MMRN1: variants seen among roughly 807,000 people sequenced by gnomAD.
MMRN1 encodes multimerin-1.
Under a neutral mutation model 100.7 loss-of-function variants are expected in MMRN1, and 94 were observed. The observed-to-expected ratio is 0.93, with a 90% CI of 0.79 to 1.11. The LOEUF (loss-of-function observed/expected upper bound fraction) is 1.11, where lower values mean the gene tolerates loss of function less well. MMRN1 is among the 50% of genes least tolerant of loss of function. The pLI, the probability that MMRN1 is intolerant of heterozygous loss-of-function variation, is 0.00. For missense variants in MMRN1, 1,606 were observed against 1,439.1 expected (o/e 1.12, Z -1.88); for synonymous variants, 575 against 505.0 (o/e 1.14, Z -1.86).
chr4:89,934,679 A>G (rs1048587168), intron 5 of MMRN1, 131 bp from the exon 6 acceptor site: 7 of 468,360 alleles, frequency 1.5e-5, no homozygotes, highest in African/African-American at 1.0e-4. Flanking sequence ...AAATTCTATA[A>G]GTAAATGTAG....
chr4:89,918,947 G>A (rs914416796), intron 3 of MMRN1, among the ~76,000 whole-genome samples: 7 of 151,456 alleles, frequency 4.6e-5, no homozygotes, highest in East Asian at 1.9e-4. Flanking sequence ...TGATTTTTAC[G>A]TTTTAGGAAA....
chr4:89,949,769 CA>C (rs1293197657), intron 6 of MMRN1, among the ~76,000 whole-genome samples: 4 of 152,002 alleles, frequency 2.6e-5, no homozygotes, highest in African/African-American at 9.7e-5. Context: ...ATTTGCTTTG[CA>C]AAAAATTTTA....
In MMRN1 at chr4:89,934,827, A is replaced by T. The variant is rs1005263022; in HGVS notation, c.1147A>T (p.Ile383Phe). Residue 383 changes from isoleucine (I) to phenylalanine (F), a missense_variant, in exon 6 of 8, where the codon ATT becomes TTT. Ile to Phe is a conservative substitution (Grantham distance 21). Coordinates refer to ENST00000264790, the MANE Select transcript of MMRN1 (RefSeq NM_007351.3). ...SLLKGLKSKS[I>F]NVLIRDIVRE... ...TTCTCTAGGTCTAAAATCCAAAAGC[A>T]TTAATGTACTGATAAGAGACATAGT... 6.6e-7 allele frequency: 1 copy of T among 1,505,854 alleles called. No individual in the cohort carries two copies. 93.3% of individuals were successfully genotyped at this position (1,505,854 alleles called of 1,614,324 possible).
chr4:89,953,482 C>T lies in MMRN1; in HGVS notation c.*64C>T. ...CAGCCAGTGTTTTCATTTATCTTTGCTTGCACATCTGCTCTGTTTTGGTTT... is the reference window on the plus strand; with the variant it reads ...CAGCCAGTGTTTTCATTTATCTTTGTTTGCACATCTGCTCTGTTTTGGTTT... On this transcript the variant is annotated 3_prime_UTR_variant, in exon 8 of 8. Transcript: ENST00000264790. 7.0e-7 allele frequency: 1 copy of T among 1,437,224 alleles called. No individual in the cohort carries two copies. The highest frequency in any genetic ancestry group is 9.4e-7 in the Non-Finnish European group (1 of 1,069,052). 89.0% of individuals were successfully genotyped at this position (1,437,224 alleles called of 1,614,324 possible). A position where few individuals can be genotyped will look rare whatever the true frequency, so the allele number is the denominator to read the frequency against.
In MMRN1 at chr4:89,953,474, T is replaced by C; in HGVS notation, c.*56T>C. 6.7e-7 allele frequency: 1 copy of C among 1,482,726 alleles called. No individual in the cohort carries two copies. The highest frequency in any genetic ancestry group is 1.4e-5 in the South Asian group (1 of 71,802). 91.8% of individuals were successfully genotyped at this position (1,482,726 alleles called of 1,614,324 possible). A position where few individuals can be genotyped will look rare whatever the true frequency, so the allele number is the denominator to read the frequency against. On this transcript the variant is annotated 3_prime_UTR_variant, in exon 8 of 8. Coordinates refer to ENST00000264790, the MANE Select transcript of MMRN1 (RefSeq NM_007351.3). Reference sequence around the variant, plus strand: ...TTGAGAAACAGCCAGTGTTTTCATTTATCTTTGCTTGCACATCTGCTCTGT... The same window carrying C: ...TTGAGAAACAGCCAGTGTTTTCATTCATCTTTGCTTGCACATCTGCTCTGT...
Position 89,951,771 on chromosome 4 carries a change from A to G in MMRN1, c.3265+20A>G. The G allele has an allele frequency of 3.1e-6, 5 of 1,608,308 alleles. No individual in the cohort carries two copies. The highest frequency in any genetic ancestry group is 4.2e-6 in the Non-Finnish European group (5 of 1,177,642). ...CTCCAGGTAAAAAAAAAGTATACGCATCTTTGGATTTGCTCATTGTCATAA... is the reference window on the plus strand; with the variant it reads ...CTCCAGGTAAAAAAAAAGTATACGCGTCTTTGGATTTGCTCATTGTCATAA... On this transcript the variant is annotated intron_variant, in intron 7 of 7. Coordinates refer to ENST00000264790, the MANE Select transcript of MMRN1 (RefSeq NM_007351.3).
chr4:89,923,510 A>C (rs927547799), intron 4 of MMRN1, among the ~76,000 whole-genome samples: 3 of 152,252 alleles, frequency 2.0e-5, no homozygotes, highest in Non-Finnish European at 4.4e-5. Flanking sequence ...AAGAATAAAA[A>C]TGCTGTGATA....
intron 1 of MMRN1, among the ~76,000 whole-genome samples, chr4:89,900,915 C>A (rs1282497848): frequency 1.3e-5 from 2 of 151,458 alleles, no homozygotes; most frequent in East Asian, 1.9e-4. Flanking sequence ...AATGGGGTGA[C>A]CAGAGAAGTT....
intron 3 of MMRN1, among the ~76,000 whole-genome samples, chr4:89,921,477 G>A (rs539648995): frequency 1.2e-4 from 19 of 152,204 alleles, no homozygotes; most frequent in South Asian, 8.3e-4. Flanking sequence ...AGGAGGAATC[G>A]TGATAAAAAT....
At chr4:89,939,149 C>A (rs1722746190) in intron 6 of MMRN1, among the ~76,000 whole-genome samples, 1 of 152,052 alleles carries the variant, frequency 6.6e-6, no homozygotes, top group African/African-American at 2.4e-5. Context: ...TTTTGATACC[C>A]TGTTTTATAC....
At chr4:89,927,768 G>C (rs371401960) in intron 4 of MMRN1, 27 bp from the exon 5 acceptor site, 1 of 1,585,712 alleles carries the variant, frequency 6.3e-7, no homozygotes, top group Admixed American at 1.9e-5. Flanking sequence ...ATTTTTTAAT[G>C]GTCTCAATTT....
chr4:89,939,337 T>C (rs1189861796), intron 6 of MMRN1, among the ~76,000 whole-genome samples: 1 of 152,118 alleles, frequency 6.6e-6, no homozygotes, highest in Non-Finnish European at 1.5e-5. Flanking sequence ...GCAAAATAAG[T>C]ACAGTATATA....
At chr4:89,907,203 T>A (rs887125953) in intron 1 of MMRN1, among the ~76,000 whole-genome samples, 1 of 151,486 alleles carries the variant, frequency 6.6e-6, no homozygotes, top group Non-Finnish European at 1.5e-5. Context: ...TCTTGCTTTT[T>A]CCAGTTCTTT....
At position 89,935,001 on chromosome 4, in the gene MMRN1, C is replaced by T; in HGVS notation, c.1321C>T (p.Gln441Ter). 6.2e-7 allele frequency: 1 copy of T among 1,612,676 alleles called. No homozygotes were observed. Among genetic ancestry groups the T allele is most frequent in the East Asian group, 2.2e-5 (1 of 44,848 alleles). ...ATCTGTGGTTTCAATAGCAGCCCAGCAAAAGTTTGTTTTGGTGCAAGAGAA... is the reference window on the plus strand; with the variant it reads ...ATCTGTGGTTTCAATAGCAGCCCAGTAAAAGTTTGTTTTGGTGCAAGAGAA... ...NESVVSIAAQ[Q>*]KFVLVQENRP... The change falls in exon 6 of 8, where the codon CAA (glutamine) becomes TAA (stop). Residue 441 changes from glutamine to a stop codon, truncating the protein, a stop_gained. Coordinates refer to ENST00000264790, the MANE Select transcript of MMRN1 (RefSeq NM_007351.3). LOFTEE classifies it high-confidence loss of function.
intron 5 of MMRN1, among the ~76,000 whole-genome samples, chr4:89,933,361 C>G (rs2110629621): frequency 6.6e-6 from 1 of 152,262 alleles, no homozygotes; most frequent in Non-Finnish European, 1.5e-5. Flanking sequence ...CCAAACTGTT[C>G]CCACCTCTGC....
intron 6 of MMRN1, among the ~76,000 whole-genome samples, chr4:89,937,882 T>C (rs1184162093): frequency 1.3e-5 from 2 of 152,088 alleles, no homozygotes; most frequent in African/African-American, 4.8e-5. Flanking sequence ...GTGTGGTGCA[T>C]ATAAATTGCA....
At chr4:89,886,486 T>G (rs1720939336) in intron 1 of MMRN1, among the ~76,000 whole-genome samples, 1 of 152,134 alleles carries the variant, frequency 6.6e-6, no homozygotes, top group African/African-American at 2.4e-5. Flanking sequence ...TCAATGAGGG[T>G]TCCATGTACA....
Position 89,953,701 on chromosome 4 carries a change from A to G in MMRN1, c.*283A>G. ...TATTCTTATTTCTTCATTTTAAGTC[A>G]TTGCAATGGAAAGTAATATTATAAA... is the stretch of plus-strand genomic sequence containing the variant. On this transcript the variant is annotated 3_prime_UTR_variant, in exon 8 of 8. Transcript: ENST00000264790. The G allele has an allele frequency of 4.1e-6, 1 of 246,584 alleles. No individual in the cohort carries two copies. The highest frequency in any genetic ancestry group is 7.7e-6 in the Non-Finnish European group (1 of 130,384). 15.3% of individuals were successfully genotyped at this position (246,584 alleles called of 1,614,324 possible).
At chr4:89,929,645 G>C (rs1311927383) in intron 5 of MMRN1, among the ~76,000 whole-genome samples, 1 of 152,044 alleles carries the variant, frequency 6.6e-6, no homozygotes, top group Non-Finnish European at 1.5e-5. Flanking sequence ...TTCTGGCACT[G>C]ACACAGGAGA....
Sources: allele counts gnomAD v4.1 joint callset (sites outside exome capture counted in the v4.1 genomes callset), GRCh38; gene constraint gnomAD v4.1.1; transcripts MANE v1.5; gene names NCBI Gene and HGNC (gene_info 2026-07-23, HGNC 2026-07-21).